THBS4: variants seen among roughly 807,000 people sequenced by gnomAD.
The protein encoded by THBS4 is thrombospondin-4.
In THBS4, 90 loss-of-function variants were observed where a neutral mutation model predicts 115.7. The observed-to-expected ratio is 0.78, with a 90% CI of 0.66 to 0.93. The LOEUF (loss-of-function observed/expected upper bound fraction) is 0.93, where lower values mean the gene tolerates loss of function less well. THBS4 is among the 40% of genes least tolerant of loss of function. The pLI is 0.00. For synonymous variants in THBS4, 460 were observed against 479.3 expected (o/e 0.96, Z 0.53); for missense variants, 1,087 against 1,232.7 (o/e 0.88, Z 1.77).
chr5:80,081,518 G>T (rs1320584217), intron 20 of THBS4, among the ~76,000 whole-genome samples: 2 of 152,186 alleles, frequency 1.3e-5, no homozygotes, highest in African/African-American at 4.8e-5. Flanking sequence ...TTGCACCCAT[G>T]CCTAGAATCA....
chr5:80,010,158 A>G (rs12332358), intron 2 of THBS4, among the ~76,000 whole-genome samples: 27,286 of 152,150 alleles, frequency 0.18, 2,599 homozygotes, highest in Middle Eastern at 0.25. Context: ...AATACACAAC[A>G]CCTAGAAATA....
intron 2 of THBS4, among the ~76,000 whole-genome samples, chr5:80,047,109 A>G (rs1833091443): frequency 6.6e-6 from 1 of 152,262 alleles, no homozygotes; most frequent in Admixed American, 6.5e-5. Context: ...TGCCTGACAC[A>G]TAATGGATAC....
In THBS4 at chr5:80,059,687, G is replaced by A; in HGVS notation, c.785-16G>A. 3.1e-6 allele frequency: 5 copies of A among 1,613,102 alleles called. No individual in the cohort carries two copies. Among genetic ancestry groups the A allele is most frequent in the Non-Finnish European group, 4.2e-6 (5 of 1,179,140 alleles). On this transcript the variant is annotated splice_polypyrimidine_tract_variant and intron_variant, in intron 6 of 21. Coordinates refer to ENST00000350881, the MANE Select transcript of THBS4 (RefSeq NM_003248.6). ...CCTGGCGGTGAATACGCCTGTGGAT[G>A]ATTGTTTTTCTCTAGGTCCTCTCAA...
In THBS4 at chr5:80,058,206, G is replaced by A. The variant is rs1175876006; in HGVS notation, c.541G>A (p.Asp181Asn). The stretch of plus-strand genomic sequence containing the variant: ...GTGGTATGAATGTGATTTCTTCCAG[G>A]ACTTCTTGGAAGAGCTGAAGCTGGT... ...ELRTFQRKPQ[D>N]FLEELKLVVR... The change falls in exon 4 of 22, where the codon GAC (aspartate) becomes AAC (asparagine). Residue 181 changes from aspartate (D) to asparagine (N), a missense_variant and splice_region_variant. By Grantham distance (23) the Asp-to-Asn change is conservative. Coordinates refer to ENST00000350881, the MANE Select transcript of THBS4 (RefSeq NM_003248.6). 1.3e-6 allele frequency: 2 copies of A among 1,567,906 alleles called. No homozygotes were observed. Among genetic ancestry groups the A allele is most frequent in the Non-Finnish European group, 1.7e-6 (2 of 1,154,770 alleles).
rs1437057973 is a variant in THBS4 at position 80,035,657 on chromosome 5, C to T, written c.88+32C>T. On this transcript the variant is annotated intron_variant, in intron 1 of 21. Transcript: ENST00000350881. The surrounding 1 kb of genome is among the most constrained non-coding windows in gnomAD (Gnocchi z 4.6). ...GGGTTCGGGTCGGGCCTGGGAGCGC[C>T]GGGCACCGGGTGCCCCATCTGCTGA... 3.8e-6 allele frequency: 5 copies of T among 1,298,842 alleles called. No individual in the cohort carries two copies. The African/African-American group carries it at 6.2e-5, about 16-fold the overall frequency. 80.5% of individuals were successfully genotyped at this position (1,298,842 alleles called of 1,614,324 possible).
At chr5:80,014,460 G>T (rs1832208491) in intron 2 of THBS4, among the ~76,000 whole-genome samples, 1 of 152,174 alleles carries the variant, frequency 6.6e-6, no homozygotes, top group Non-Finnish European at 1.5e-5. Context: ...GATACAGCAG[G>T]ACCCTTGGAA....
At chr5:80,042,712 TC>T (rs1343110107) in intron 2 of THBS4, among the ~76,000 whole-genome samples, 10 of 152,288 alleles carry the variant, frequency 6.6e-5, no homozygotes, top group African/African-American at 2.4e-4. Context: ...GGGGCTGTAA[TC>T]CCAGCACTTT....
intron 2 of THBS4, among the ~76,000 whole-genome samples, chr5:80,045,185 G>A (rs913976274): frequency 6.6e-6 from 1 of 152,202 alleles, no homozygotes; most frequent in Non-Finnish European, 1.5e-5. Flanking sequence ...TTCTAATGAT[G>A]ATGGTTTGGT....
chr5:80,025,723 C>T (rs2434274), intron 2 of THBS4, among the ~76,000 whole-genome samples: 1 of 151,896 alleles, frequency 6.6e-6, no homozygotes. Context: ...CTTGAGGGAC[C>T]CTTTGTCGCC....
At chr5:80,012,220 A>G (rs1832141311) in intron 2 of THBS4, among the ~76,000 whole-genome samples, 1 of 152,232 alleles carries the variant, frequency 6.6e-6, no homozygotes, top group African/African-American at 2.4e-5. Context: ...CTTTCTGAAC[A>G]AAATAGCCAG....
Position 80,077,025 on chromosome 5 carries a change from A to C in THBS4, c.2063A>C (p.Asn688Thr). Reference protein sequence around the residue: ...PGPDNCRLVPNPAQEDSNSDG... With the variant: ...PGPDNCRLVPTPAQEDSNSDG... ...CCAGACAACTGCCGGCTGGTCCCCAACCCAGCCCAGGAGGATAGCAACAGT... is the reference window on the plus strand; with the variant it reads ...CCAGACAACTGCCGGCTGGTCCCCACCCCAGCCCAGGAGGATAGCAACAGT... The change falls in exon 16 of 22, where the codon AAC becomes ACC. Residue 688 changes from asparagine to threonine, a missense_variant. Transcript: ENST00000350881. 1.2e-6 allele frequency: 2 copies of C among 1,608,524 alleles called. No individual in the cohort carries two copies. The highest frequency in any genetic ancestry group is 1.7e-6 in the Non-Finnish European group (2 of 1,176,964).
chr5:80,076,936 A>G lies in THBS4; in HGVS notation c.1974A>G (p.Gly658=), dbSNP rs764059864. 11 of 1,613,736 alleles carry G rather than the reference A, an allele frequency of 6.8e-6. No individual in the cohort carries two copies. Among genetic ancestry groups the G allele is most frequent in the Non-Finnish European group, 9.3e-6 (11 of 1,179,900 alleles). Residue 658 remains glycine, a synonymous_variant, in exon 16 of 22, where the codon GGA becomes GGG. Coordinates refer to ENST00000350881, the MANE Select transcript of THBS4 (RefSeq NM_003248.6). The stretch of plus-strand genomic sequence containing the variant: ...CCCAGCTGGACACCGATAAGGATGG[A>G]ATTGGTGACGAGTGTGATGATGATG... ...NSAQLDTDKD[G]IGDECDDDDD...
chr5:80,032,274 A>T (rs190378412), upstream of THBS4, among the ~76,000 whole-genome samples: 1 of 152,228 alleles, frequency 6.6e-6, no homozygotes, highest in Non-Finnish European at 1.5e-5. Context: ...TAAAAATGCA[A>T]GCCCTCTAAA....
chr5:80,019,255 A>G (rs1032781816), intron 2 of THBS4, among the ~76,000 whole-genome samples: 3 of 152,204 alleles, frequency 2.0e-5, no homozygotes, highest in African/African-American at 2.4e-5. Flanking sequence ...TAGAGCCTGG[A>G]TTCTTCAAAA....
At position 80,071,285 on chromosome 5, in the gene THBS4, G is replaced by A. The variant is rs73121335; in HGVS notation, c.1720+105G>A. The A allele has an allele frequency of 2.2e-3, 3,293 of 1,480,208 alleles. 57 individuals are homozygous for A. The African/African-American group carries it at 0.042, about 19-fold the overall frequency. 91.7% of individuals were successfully genotyped at this position (1,480,208 alleles called of 1,614,324 possible). A position where few individuals can be genotyped will look rare whatever the true frequency, so the allele number is the denominator to read the frequency against. On this transcript the variant is annotated intron_variant, in intron 13 of 21. Transcript: ENST00000350881. ...ATGACTGATTCGGAGCCTTCCAGCT[G>A]TGGGTGGCTCATTGTGGCCTGCATC...
At chr5:80,076,707 T>C (rs1228783324) in intron 15 of THBS4, 148 bp from the exon 16 acceptor site, 4 of 691,876 alleles carry the variant, frequency 5.8e-6, no homozygotes, top group Non-Finnish European at 8.8e-6. Flanking sequence ...AGGGCAGCCT[T>C]ATCTAAGGGA....
intron 2 of THBS4, among the ~76,000 whole-genome samples, chr5:80,020,314 T>A (rs1190115959): frequency 6.6e-6 from 1 of 151,636 alleles, no homozygotes; most frequent in African/African-American, 2.4e-5. Flanking sequence ...CTGCTAAAAA[T>A]ACAAAAAAAA....
chr5:80,046,602 C>CT (rs796606076), intron 2 of THBS4, among the ~76,000 whole-genome samples: 60 of 149,664 alleles, frequency 4.0e-4, no homozygotes, highest in African/African-American at 1.4e-3. Flanking sequence ...TCATGCCAAA[C>CT]TTTTTTTTTT....
chr5:80,058,541 A>T (rs1039069864), intron 4 of THBS4, among the ~76,000 whole-genome samples, 167 bp from the exon 5 acceptor site: 4 of 138,370 alleles, frequency 2.9e-5, no homozygotes, highest in Admixed American at 7.1e-5. Context: ...CATCATTATC[A>T]TTATTTTTTT....
Sources: gnomAD v4.1 joint callset for allele counts (sites outside exome capture counted in the v4.1 genomes callset) on GRCh38, gnomAD v4.1.1 for gene constraint, Gnocchi (gnomAD v3.1) non-coding constraint, MANE v1.5 for transcripts, NCBI Gene and HGNC (gene_info 2026-07-23, HGNC 2026-07-21) for gene names.